FSTL5: variants seen among roughly 807,000 people sequenced by gnomAD.
FSTL5 encodes follistatin like 5, also known as follistatin-related protein 5.
In FSTL5, 62 loss-of-function variants were observed where a neutral mutation model predicts 89.1. The ratio of observed to expected loss-of-function variants is 0.70; its 90% CI spans 0.57 to 0.86. FSTL5 has a LOEUF of 0.86. Ranked by LOEUF, FSTL5 falls within the 40% of genes least tolerant of loss-of-function variation. The pLI, the probability that FSTL5 is intolerant of heterozygous loss-of-function variation, is 0.00. For missense variants in FSTL5, 1,057 were observed against 1,001.6 expected, an observed-to-expected ratio of 1.06 and a Z score of -0.75; for synonymous variants, 383 against 346.2, an observed-to-expected ratio of 1.11 and a Z score of -1.18.
intron 4 of FSTL5, among the ~76,000 whole-genome samples, chr4:161,877,458 T>G (rs1402142922): frequency 6.6e-6 from 1 of 151,558 alleles, no homozygotes; most frequent in Non-Finnish European, 1.5e-5. Flanking sequence ...GAAAAATATT[T>G]TAACTATTCC....
chr4:161,962,829 A>G (rs1735219610), intron 3 of FSTL5, among the ~76,000 whole-genome samples: 1 of 152,004 alleles, frequency 6.6e-6, no homozygotes. Flanking sequence ...AAGAACTTTT[A>G]TTTCTGAAGA....
chr4:161,564,434 T>A (rs1433894764), intron 8 of FSTL5, among the ~76,000 whole-genome samples: 3 of 150,930 alleles, frequency 2.0e-5, no homozygotes, highest in Non-Finnish European at 3.0e-5. Flanking sequence ...GCACTACTAT[T>A]TACCATATGT....
intron 3 of FSTL5, among the ~76,000 whole-genome samples, chr4:161,943,280 T>C (rs72693204): frequency 0.12 from 17,873 of 151,876 alleles, 1,170 homozygotes; most frequent in East Asian, 0.21. Context: ...CTAATAGTAA[T>C]ATATTATTAT....
chr4:161,827,146 C>A (rs920368540), intron 4 of FSTL5, among the ~76,000 whole-genome samples: 2 of 152,146 alleles, frequency 1.3e-5, no homozygotes, highest in Admixed American at 1.3e-4. Context: ...CCACAGGGTG[C>A]TCCCTTGATG....
intron 4 of FSTL5, among the ~76,000 whole-genome samples, chr4:161,876,619 A>G (rs1221691865): frequency 1.3e-5 from 2 of 152,188 alleles, no homozygotes; most frequent in African/African-American, 4.8e-5. Context: ...TCATGCCTAT[A>G]GTGCCAGATA....
At chr4:161,646,652 C>T (rs966155825) in intron 7 of FSTL5, among the ~76,000 whole-genome samples, 1 of 152,080 alleles carries the variant, frequency 6.6e-6, no homozygotes, top group Non-Finnish European at 1.5e-5. Flanking sequence ...GCCACACCTG[C>T]AATTGAATTC....
intron 2 of FSTL5, among the ~76,000 whole-genome samples, chr4:162,066,368 C>CA (rs1738913274): frequency 7.6e-6 from 1 of 131,462 alleles, no homozygotes; most frequent in African/African-American, 2.8e-5. Flanking sequence ...TCTTCTTCTT[C>CA]TTCTCCTTCT....
intron 8 of FSTL5, among the ~76,000 whole-genome samples, chr4:161,561,159 A>G (rs536185697): frequency 5.3e-5 from 8 of 151,896 alleles, no homozygotes; most frequent in Admixed American, 1.3e-4. Flanking sequence ...CATTGACAGA[A>G]ATGTTGTTGT....
chr4:161,571,049 C>T lies in FSTL5; in HGVS notation c.1015+16406G>A, dbSNP rs748805205. ...GGAGAATCACTTGAGGCGGAGGTTT[C>T]GGTGAGCCAAGATCACGCCACTGCA... is the stretch of plus-strand genomic sequence containing the variant. On this transcript the variant is annotated intron_variant, in intron 8 of 15. Transcript: ENST00000306100. 4.0e-5 allele frequency among the ~76,000 whole-genome samples: 6 copies of T among 151,596 alleles called. No homozygotes were observed. The East Asian group carries it at 5.8e-4, about 15-fold the overall frequency.
intron 6 of FSTL5, among the ~76,000 whole-genome samples, chr4:161,730,202 A>C (rs1739559250): frequency 6.6e-6 from 1 of 152,108 alleles, no homozygotes; most frequent in South Asian, 2.1e-4. Flanking sequence ...ATATGACAGA[A>C]GAGCTTTGAA....
chr4:161,576,905 G>A (rs759936571), intron 8 of FSTL5, among the ~76,000 whole-genome samples: 3 of 152,204 alleles, frequency 2.0e-5, no homozygotes, highest in African/African-American at 4.8e-5. Flanking sequence ...TTCAATTACT[G>A]AGGAAAACTA....
intron 4 of FSTL5, among the ~76,000 whole-genome samples, chr4:161,796,030 C>T (rs1358709557): frequency 3.3e-5 from 5 of 151,572 alleles, no homozygotes; most frequent in South Asian, 2.1e-4. Flanking sequence ...TTTTTTCATT[C>T]GAAAATCAAT....
chr4:161,642,766 AG>A (rs1165541224), intron 7 of FSTL5, among the ~76,000 whole-genome samples: 1 of 151,140 alleles, frequency 6.6e-6, no homozygotes, highest in Non-Finnish European at 1.5e-5. Context: ...TCAGACAGAA[AG>A]CAGCATGGTG....
intron 15 of FSTL5, among the ~76,000 whole-genome samples, chr4:161,437,186 A>T (rs1016232422): frequency 2.6e-5 from 4 of 152,136 alleles, no homozygotes; most frequent in African/African-American, 9.7e-5. Flanking sequence ...TGGTAGAGGC[A>T]CTGTGAGCAG....
chr4:161,595,832 T>C (rs1266827452), intron 7 of FSTL5, among the ~76,000 whole-genome samples: 4 of 152,030 alleles, frequency 2.6e-5, no homozygotes, highest in African/African-American at 9.7e-5. Context: ...AAATTTTAAA[T>C]GTTAGCCCAC....
chr4:161,464,725 G>A (rs186823625), intron 13 of FSTL5, among the ~76,000 whole-genome samples: 18 of 152,032 alleles, frequency 1.2e-4, no homozygotes, highest in Admixed American at 2.6e-4. Flanking sequence ...ATTGTAAAAC[G>A]TAAGTTGCAA....
intron 3 of FSTL5, among the ~76,000 whole-genome samples, chr4:161,992,915 T>TGTATAC (rs1560957652): frequency 5.2e-4 from 7 of 13,450 alleles, no homozygotes; most frequent in Non-Finnish European, 6.9e-4. Context: ...TATATATATA[T>TGTATAC]ATATATATAT....
intron 4 of FSTL5, among the ~76,000 whole-genome samples, chr4:161,801,505 T>C (rs1729792477): frequency 6.6e-6 from 1 of 151,456 alleles, no homozygotes; most frequent in Non-Finnish European, 1.5e-5. Flanking sequence ...CCTTCTATTT[T>C]ATCATTCTGT....
intron 4 of FSTL5, among the ~76,000 whole-genome samples, chr4:161,781,725 T>C (rs1318031382): frequency 6.6e-6 from 1 of 152,184 alleles, no homozygotes; most frequent in African/African-American, 2.4e-5. Flanking sequence ...AAATATTGAA[T>C]ACCATTATCA....
Sources: allele counts gnomAD v4.1 joint callset (sites outside exome capture counted in the v4.1 genomes callset), GRCh38; gene constraint gnomAD v4.1.1; transcripts MANE v1.5; gene names NCBI Gene and HGNC (gene_info 2026-07-23, HGNC 2026-07-21).